AGAP1: variants seen among roughly 807,000 people sequenced by gnomAD.
AGAP1 encodes arf-GAP with GTPase, ANK repeat and PH domain-containing protein 1.
Under a neutral mutation model 105.3 loss-of-function variants are expected in AGAP1, and 29 were observed. The observed-to-expected ratio is 0.28, with a 90% CI of 0.21 to 0.38. The LOEUF is 0.38. Ranked by LOEUF, AGAP1 falls within the 10% of genes least tolerant of loss-of-function variation. The probability of loss-of-function intolerance (pLI) is 1.00; values close to 1 mark genes in which losing one functional copy is unlikely to be tolerated. For missense variants in AGAP1, 998 were observed against 1,165.1 expected, an observed-to-expected ratio of 0.86 and a Z score of 2.09; for synonymous variants, 509 against 485.9, an observed-to-expected ratio of 1.05 and a Z score of -0.63.
chr2:235,909,176 CAT>C (rs1339188432), intron 11 of AGAP1, among the ~76,000 whole-genome samples: 3 of 152,142 alleles, frequency 2.0e-5, no homozygotes, highest in Non-Finnish European at 4.4e-5. Context: ...GTGAAGTTAA[CAT>C]GTGAACTGGG....
Position 235,637,160 on chromosome 2 carries a change from T to G in AGAP1, c.164-72019T>G, listed in dbSNP as rs547560294. Among the ~76,000 whole-genome samples, 6 of 152,302 alleles carry G rather than the reference T, an allele frequency of 3.9e-5. No homozygotes were observed. The South Asian group carries it at 1.2e-3, about 32-fold the overall frequency. On this transcript the variant is annotated intron_variant, in intron 1 of 17. Coordinates refer to ENST00000304032, the MANE Select transcript of AGAP1 (RefSeq NM_001037131.3). ...TGACTCACTGTGGGATTCAGCATCTTGTACGAGGCAGGTGCCACTGGTCTC... is the reference window on the plus strand; with the variant it reads ...TGACTCACTGTGGGATTCAGCATCTGGTACGAGGCAGGTGCCACTGGTCTC...
At position 235,989,816 on chromosome 2, in the gene AGAP1, C is replaced by T. The variant is rs1156468081; in HGVS notation, c.1645+21193C>T. The stretch of plus-strand genomic sequence containing the variant: ...TGGAGTGGAACGGTCACAGCAGCAG[C>T]TCACAGGGAGGGACAGCCTCGGAAG... On this transcript the variant is annotated intron_variant, in intron 13 of 17. Coordinates refer to ENST00000304032, the MANE Select transcript of AGAP1 (RefSeq NM_001037131.3). This position sits in a 1 kb window ranked among gnomAD's most constrained non-coding sequence, Gnocchi z 4.4. 6.6e-6 allele frequency among the ~76,000 whole-genome samples: 1 copy of T among 152,144 alleles called. No homozygotes were observed. The highest frequency in any genetic ancestry group is 1.5e-5 in the Non-Finnish European group (1 of 68,036).
In AGAP1 at chr2:235,573,722, C is replaced by T. The variant is rs191170791; in HGVS notation, c.163+78873C>T. On this transcript the variant is annotated intron_variant, in intron 1 of 17. Coordinates refer to ENST00000304032, the MANE Select transcript of AGAP1 (RefSeq NM_001037131.3). ...CATGAGTGCGCCCCATGAGTGCGCC[C>T]CATCACCAGCAGGTGGGCTTGGCAG... 2.6e-5 allele frequency among the ~76,000 whole-genome samples: 4 copies of T among 152,310 alleles called. No individual in the cohort carries two copies. The East Asian group carries it at 7.7e-4, about 29-fold the overall frequency.
In AGAP1 at chr2:236,101,543, C is replaced by T. The variant is rs541418448; in HGVS notation, c.2115-18649C>T. Among the ~76,000 whole-genome samples the T allele has an allele frequency of 3.3e-5, 5 of 152,350 alleles. No individual in the cohort carries two copies. The East Asian group carries it at 9.6e-4, about 29-fold the overall frequency. On this transcript the variant is annotated intron_variant, in intron 16 of 17. Transcript: ENST00000304032. This position sits in a 1 kb window ranked among gnomAD's most constrained non-coding sequence, Gnocchi z 4.9. ...CCCGCCTCTTCCGTGTGAGAAGAGC[C>T]TTGGCTGTTCCTCTCCCTGGTGTTT... is the stretch of plus-strand genomic sequence containing the variant.
chr2:235,564,465 T>A (rs1944274712), intron 1 of AGAP1, among the ~76,000 whole-genome samples: 1 of 152,230 alleles, frequency 6.6e-6, no homozygotes, highest in Non-Finnish European at 1.5e-5. Context: ...TGGAGCCATC[T>A]ATACTTCTGA....
Position 235,915,365 on chromosome 2 carries a change from A to C in AGAP1, c.1324+6459A>C, listed in dbSNP as rs111642790. Among the ~76,000 whole-genome samples, 25 of 152,330 alleles carry C rather than the reference A, an allele frequency of 1.6e-4. 1 individual carries two copies. The highest frequency in any genetic ancestry group is 5.8e-4 in the African/African-American group (24 of 41,572). ...ACGTTAGTTATTAATGATACTCATAAAATGAGGCAAACAGAGAGCACGTGT... is the reference window on the plus strand; with the variant it reads ...ACGTTAGTTATTAATGATACTCATACAATGAGGCAAACAGAGAGCACGTGT... On this transcript the variant is annotated intron_variant, in intron 11 of 17. Transcript: ENST00000304032.
intron 13 of AGAP1, among the ~76,000 whole-genome samples, chr2:236,018,970 T>C (rs1369042348): frequency 6.6e-6 from 1 of 152,206 alleles, no homozygotes; most frequent in Admixed American, 6.5e-5. Context: ...CAGATACAGC[T>C]TCGCGCCTCA....
At position 236,003,093 on chromosome 2, in the gene AGAP1, A is replaced by C. The variant is rs559418953; in HGVS notation, c.1646-33468A>C. 6.6e-6 allele frequency among the ~76,000 whole-genome samples: 1 copy of C among 152,122 alleles called. No individual in the cohort carries two copies. The highest frequency in any genetic ancestry group is 1.5e-5 in the Non-Finnish European group (1 of 68,032). On this transcript the variant is annotated intron_variant, in intron 13 of 17. Transcript: ENST00000304032. This position sits in a 1 kb window ranked among gnomAD's most constrained non-coding sequence, Gnocchi z 4.2. ...AGTCTTGATCTATTGCCCAGGCTGG[A>C]GTGCAGTGGCACGGTCTCAGCTCTT...
At chr2:235,768,192 C>T (rs1955133217) in intron 6 of AGAP1, among the ~76,000 whole-genome samples, 1 of 152,134 alleles carries the variant, frequency 6.6e-6, no homozygotes, top group Non-Finnish European at 1.5e-5. Flanking sequence ...ATTGTTTTCA[C>T]CCTTTATTTT....
rs1949706574 is a variant in AGAP1 at position 235,690,945 on chromosome 2, A to G, written c.164-18234A>G. Among the ~76,000 whole-genome samples, 1 of 152,092 alleles carries G rather than the reference A, an allele frequency of 6.6e-6. No homozygotes were observed. Among genetic ancestry groups the G allele is most frequent in the South Asian group, 2.1e-4 (1 of 4,828 alleles). On this transcript the variant is annotated intron_variant, in intron 1 of 17. Transcript: ENST00000304032. This position sits in a 1 kb window ranked among gnomAD's most constrained non-coding sequence, Gnocchi z 4.1. ...GGTTTGGCAGGGATTCGTGGCTGCTATTTTAGATATGCCAGGAGCCTTCTT... is the reference window on the plus strand; with the variant it reads ...GGTTTGGCAGGGATTCGTGGCTGCTGTTTTAGATATGCCAGGAGCCTTCTT...
chr2:235,834,044 T>C (rs1959807818), intron 9 of AGAP1, among the ~76,000 whole-genome samples: 3 of 151,340 alleles, frequency 2.0e-5, no homozygotes, highest in Non-Finnish European at 4.4e-5. Flanking sequence ...GCCCCCTCCA[T>C]GTAGGCCAGT....
rs910193141 is a variant in AGAP1, at chr2:235,716,010, C to A, written c.223-1547C>A. Among the ~76,000 whole-genome samples the A allele has an allele frequency of 1.3e-5, 2 of 152,100 alleles. No homozygotes were observed. Among genetic ancestry groups the A allele is most frequent in the South Asian group, 4.1e-4 (2 of 4,820 alleles). ...AGTCCTGGTGGGAGCTAAGTAGGGG[C>A]GCCTGGAGCTGGGGTGGACGGCGGC... On this transcript the variant is annotated intron_variant, in intron 2 of 17. Transcript: ENST00000304032. This position sits in a 1 kb window ranked among gnomAD's most constrained non-coding sequence, Gnocchi z 4.0.
intron 1 of AGAP1, among the ~76,000 whole-genome samples, chr2:235,538,372 G>A (rs1029893116): frequency 6.6e-6 from 1 of 151,518 alleles, no homozygotes; most frequent in Admixed American, 6.6e-5. Context: ...TACTCAGACT[G>A]TCGGAGAATA....
intron 1 of AGAP1, among the ~76,000 whole-genome samples, chr2:235,699,857 G>GCACT (rs1363217815): frequency 5.3e-5 from 8 of 152,230 alleles, no homozygotes; most frequent in Non-Finnish European, 2.9e-5. Flanking sequence ...AAGCTATGAG[G>GCACT]TGTGGGGCTT....
chr2:235,714,807 G>T lies in AGAP1; in HGVS notation c.223-2750G>T, dbSNP rs891544216. 2.0e-5 allele frequency among the ~76,000 whole-genome samples: 3 copies of T among 151,982 alleles called. No individual in the cohort carries two copies. Among genetic ancestry groups the T allele is most frequent in the Non-Finnish European group, 4.4e-5 (3 of 67,970 alleles). ...TGTTTTCTTTTTTGTTGTTGTTTTTGTTTTGTTTTGAGACAGAGTCTCGCT... is the reference window on the plus strand; with the variant it reads ...TGTTTTCTTTTTTGTTGTTGTTTTTTTTTTGTTTTGAGACAGAGTCTCGCT... On this transcript the variant is annotated intron_variant, in intron 2 of 17. Coordinates refer to ENST00000304032, the MANE Select transcript of AGAP1 (RefSeq NM_001037131.3). The surrounding 1 kb of genome is among the most constrained non-coding windows in gnomAD (Gnocchi z 4.1).
At position 236,002,101 on chromosome 2, in the gene AGAP1, C is replaced by T. The variant is rs1303505735; in HGVS notation, c.1645+33478C>T. On this transcript the variant is annotated intron_variant, in intron 13 of 17. Transcript: ENST00000304032. The surrounding 1 kb of genome is among the most constrained non-coding windows in gnomAD (Gnocchi z 4.3). ...GGCCATGGGTGAGAACAGAGAGTTT[C>T]TCAAGCGACATGCCAGGAAGAGCTG... 3.9e-5 allele frequency among the ~76,000 whole-genome samples: 6 copies of T among 152,176 alleles called. No homozygotes were observed. Among genetic ancestry groups the T allele is most frequent in the Non-Finnish European group, 8.8e-5 (6 of 68,040 alleles).
rs1243237807 is a variant in AGAP1 at position 236,038,274 on chromosome 2, G to A, written c.1800+1559G>A. Among the ~76,000 whole-genome samples the A allele has an allele frequency of 6.6e-6, 1 of 152,210 alleles. No individual in the cohort carries two copies. The highest frequency in any genetic ancestry group is 1.5e-5 in the Non-Finnish European group (1 of 68,040). On this transcript the variant is annotated intron_variant, in intron 14 of 17. Coordinates refer to ENST00000304032, the MANE Select transcript of AGAP1 (RefSeq NM_001037131.3). The surrounding 1 kb of genome is among the most constrained non-coding windows in gnomAD (Gnocchi z 4.5). ...TCCAAGCGTGGGCAGCTCATTCTGA[G>A]AAGGAAGGCAGGGAGGCAGGCTGTG...
At chr2:235,786,822 A>G (rs760184975) in intron 6 of AGAP1, among the ~76,000 whole-genome samples, 1 of 152,192 alleles carries the variant, frequency 6.6e-6, no homozygotes, top group Non-Finnish European at 1.5e-5. Context: ...CCTGAAGAAT[A>G]AGTTCATTTG....
At chr2:236,071,356 G>A (rs1240393923) in intron 16 of AGAP1, among the ~76,000 whole-genome samples, 6 of 152,166 alleles carry the variant, frequency 3.9e-5, no homozygotes, top group Admixed American at 2.0e-4. Flanking sequence ...TGAGCACCTC[G>A]GTGGTCCCAG....
Sources: gnomAD v4.1 joint callset for allele counts (sites outside exome capture counted in the v4.1 genomes callset) on GRCh38, gnomAD v4.1.1 for gene constraint, Gnocchi (gnomAD v3.1) non-coding constraint, MANE v1.5 for transcripts, NCBI Gene and HGNC (gene_info 2026-07-23, HGNC 2026-07-21) for gene names.